The following WDR3 variants were observed in gnomAD, a reference collection of about 807,000 sequenced individuals.
The protein encoded by WDR3 is WD repeat domain 3.
In WDR3, 81 loss-of-function variants were observed where a neutral mutation model predicts 123.7. The ratio of observed to expected loss-of-function variants is 0.65; its 90% CI spans 0.55 to 0.79. The LOEUF is 0.79. Among genes scored for constraint, WDR3 ranks in the 30% least tolerant of loss-of-function variants. The probability of loss-of-function intolerance (pLI) is 0.00; values close to 1 mark genes in which losing one functional copy is unlikely to be tolerated. For synonymous variants in WDR3, 390 were observed against 388.8 expected (o/e 1.00, Z -0.04); for missense variants, 1,027 against 1,123.2 (o/e 0.91, Z 1.22).
chr1:117,933,694 A>C, intron 2 of WDR3: 1 of 649,796 alleles, frequency 1.5e-6, no homozygotes, highest in Non-Finnish European at 2.8e-6. Context: ...AACCACAATG[A>C]AATAGGAGCT....
At position 117,960,114 on chromosome 1, in the gene WDR3, G is replaced by GTA. The variant is rs1387108787; in HGVS notation, c.*668_*669insAT. On this transcript the variant is annotated 3_prime_UTR_variant, in exon 27 of 27. Transcript: ENST00000349139. ...TTCTGAGGAATTAATACACTCGTGT[G>GTA]TGTGTGTGTGTGTGTGTGTGTGTGT... is the stretch of plus-strand genomic sequence containing the variant. 1.5e-5 allele frequency: 1 copy of GTA among 66,918 alleles called. No homozygotes were observed. The highest frequency in any genetic ancestry group is 4.6e-5 in the Non-Finnish European group (1 of 21,952). The allele number at this position is 66,918 out of a possible 1,614,324, so 4.1% of individuals were successfully genotyped here. A position where few individuals can be genotyped will look rare whatever the true frequency, so the allele number is the denominator to read the frequency against.
rs564333309 is a variant in WDR3 at position 117,941,404 on chromosome 1, T to C, written c.891+179T>C. ...GCATAACAACAAAAATATTAATAAT[T>C]ACTATTAGGTTGGTGGAAAAGTAAT... On this transcript the variant is annotated intron_variant, in intron 8 of 26. Transcript: ENST00000349139. Among the ~76,000 whole-genome samples the C allele has an allele frequency of 4.6e-5, 7 of 152,332 alleles. 1 individual carries two copies. The South Asian group carries it at 1.4e-3, about 32-fold the overall frequency.
rs761706466 is a variant in WDR3 at position 117,950,134 on chromosome 1, CA to C, written c.1746+5del. 1 of 1,613,492 alleles carries C rather than the reference CA, an allele frequency of 6.2e-7. No homozygotes were observed. The highest frequency in any genetic ancestry group is 8.5e-7 in the Non-Finnish European group (1 of 1,179,726). Reference sequence around the variant, plus strand: ...TTTCTACGTTGATACTTTAAAGGTACAGTGGTTATGCCTGCGGATATTTTCC... The same window carrying C: ...TTTCTACGTTGATACTTTAAAGGTACGTGGTTATGCCTGCGGATATTTTCC... On this transcript the variant is annotated splice_donor_5th_base_variant and intron_variant, in intron 15 of 26. Transcript: ENST00000349139.
chr1:117,941,135 A>G lies in WDR3; in HGVS notation c.801A>G (p.Ser267=), dbSNP rs199608970. 6.2e-7 allele frequency: 1 copy of G among 1,614,198 alleles called. No homozygotes were observed. Among genetic ancestry groups the G allele is most frequent in the Non-Finnish European group, 8.5e-7 (1 of 1,180,026 alleles). Residue 267 remains serine, a synonymous_variant, in exon 8 of 27, where the codon TCA becomes TCG. Transcript: ENST00000349139. ...TGCTTCTTCTGTAGCGAATCCTTTCATGCAGAAAAGCTGGTTCCATAATGC... is the reference window on the plus strand; with the variant it reads ...TGCTTCTTCTGTAGCGAATCCTTTCGTGCAGAAAAGCTGGTTCCATAATGC... The part of the protein sequence containing the change: ...TDEAPEDRIL[S]CRKAGSIMRE...
Position 117,949,745 on chromosome 1 carries a change from T to A in WDR3, c.1525-6T>A. The A allele has an allele frequency of 6.2e-7, 1 of 1,611,804 alleles. No homozygotes were observed. Among genetic ancestry groups the A allele is most frequent in the Non-Finnish European group, 8.5e-7 (1 of 1,179,334 alleles). ...GTTTTTAATTGAAATTTCATTTGAT[T>A]TTCAGCGTGGCTTTGTGACAGGTGG... On this transcript the variant is annotated splice_region_variant and splice_polypyrimidine_tract_variant and intron_variant, in intron 13 of 26. Coordinates refer to ENST00000349139, the MANE Select transcript of WDR3 (RefSeq NM_006784.3).
At position 117,952,150 on chromosome 1, in the gene WDR3, A is replaced by C. The variant is rs1187507690; in HGVS notation, c.1904+74A>C. The C allele has an allele frequency of 2.0e-6, 3 of 1,536,994 alleles. No homozygotes were observed. In the African/African-American group the frequency reaches 4.1e-5, roughly 21 times the overall value. ...TCACTTTCCTTGAGCATCTGTGTCT[A>C]TTTTTCAGTGTTCTCAGGCAGTGAT... On this transcript the variant is annotated intron_variant, in intron 17 of 26. Coordinates refer to ENST00000349139, the MANE Select transcript of WDR3 (RefSeq NM_006784.3).
intron 16 of WDR3, among the ~76,000 whole-genome samples, chr1:117,951,508 CT>C (rs60053262): frequency 0.88 from 113,414 of 128,828 alleles, 49,841 homozygotes; most frequent in Non-Finnish European, 0.93. Flanking sequence ...AAATGTATTT[CT>C]TTTTTTTTTT....
intron 23 of WDR3, 145 bp from the exon 24 acceptor site, chr1:117,955,170 C>A: frequency 1.6e-6 from 1 of 629,096 alleles, no homozygotes; most frequent in South Asian, 2.5e-5. Flanking sequence ...CTGACTGACT[C>A]TAAACTCATG....
chr1:117,940,937 G>C lies in WDR3; in HGVS notation c.786G>C (p.Glu262Asp), dbSNP rs762614444. 1 of 1,607,434 alleles carries C rather than the reference G, an allele frequency of 6.2e-7. No homozygotes were observed. The part of the protein sequence containing the change: ...DGAFETDEAP[E>D]DRILSCRKAG... Reference sequence around the variant, plus strand: ...CCTTTGAGACGGATGAAGCCCCTGAGGATGTAATTCATTTTCATTTCTTAA... The same window carrying C: ...CCTTTGAGACGGATGAAGCCCCTGACGATGTAATTCATTTTCATTTCTTAA... Residue 262 changes from glutamate to aspartate, a missense_variant, in exon 7 of 27, where the codon GAG becomes GAC. Coordinates refer to ENST00000349139, the MANE Select transcript of WDR3 (RefSeq NM_006784.3).
At position 117,949,994 on chromosome 1, in the gene WDR3, G is replaced by A. The variant is rs1651548865; in HGVS notation, c.1611-1G>A. On this transcript the variant is annotated splice_acceptor_variant, in intron 14 of 26. Coordinates refer to ENST00000349139, the MANE Select transcript of WDR3 (RefSeq NM_006784.3). LOFTEE classifies it high-confidence loss of function. Reference sequence around the variant, plus strand: ...TTTCTTGATGTTTTTTGTGGTGCTAGACTTTCTGTGAAGCAAACCCGAACT... The same window carrying A: ...TTTCTTGATGTTTTTTGTGGTGCTAAACTTTCTGTGAAGCAAACCCGAACT... The A allele has an allele frequency of 6.2e-7, 1 of 1,613,676 alleles. No individual in the cohort carries two copies.
chr1:117,959,361 A>G lies in WDR3; in HGVS notation c.2746A>G (p.Met916Val), dbSNP rs891645466. Residue 916 changes from methionine to valine, a missense_variant, in exon 27 of 27, where the codon ATG becomes GTG. Met to Val is a conservative substitution (Grantham distance 21). Transcript: ENST00000349139. Reference sequence around the variant, plus strand: ...GGAATGCGAGGCAAAAAGTGAAGTTATGTTTTTTGCTGATGCTACTAGCCA... The same window carrying G: ...GGAATGCGAGGCAAAAAGTGAAGTTGTGTTTTTTGCTGATGCTACTAGCCA... Reference protein sequence around the residue: ...KRECEAKSEVMFFADATSHLE... With the variant: ...KRECEAKSEVVFFADATSHLE... 1 of 1,613,992 alleles carries G rather than the reference A, an allele frequency of 6.2e-7. No homozygotes were observed. The highest frequency in any genetic ancestry group is 8.5e-7 in the Non-Finnish European group (1 of 1,179,938).
intron 21 of WDR3, 151 bp from the exon 22 acceptor site, chr1:117,953,856 T>G: frequency 1.5e-6 from 1 of 674,522 alleles, no homozygotes; most frequent in Non-Finnish European, 2.5e-6. Flanking sequence ...AAAAATGTCT[T>G]TAAATGCTTT....
At chr1:117,954,391 C>T (rs1651852441) in intron 22 of WDR3, among the ~76,000 whole-genome samples, 189 bp from the exon 23 acceptor site, 1 of 152,096 alleles carries the variant, frequency 6.6e-6, no homozygotes, top group South Asian at 2.1e-4. Context: ...AGATAAAATA[C>T]ATTGTCCAAG....
Position 117,963,532 on chromosome 1 carries a change from T to G in WDR3, c.*4085T>G, listed in dbSNP as rs1489828362. 2 of 191,614 alleles carry G rather than the reference T, an allele frequency of 1.0e-5. No individual in the cohort carries two copies. Among genetic ancestry groups the G allele is most frequent in the African/African-American group, 4.6e-5 (2 of 43,146 alleles). 11.9% of individuals were successfully genotyped at this position (191,614 alleles called of 1,614,324 possible). ...GCACCCGCCACCACACTTGGCTGAT[T>G]TTTTCTATTGTTTAGTAGAGACGGG... is the stretch of plus-strand genomic sequence containing the variant. On this transcript the variant is annotated 3_prime_UTR_variant, in exon 27 of 27. Coordinates refer to ENST00000349139, the MANE Select transcript of WDR3 (RefSeq NM_006784.3).
chr1:117,950,538 T>C (rs917197831), intron 15 of WDR3, among the ~76,000 whole-genome samples: 1 of 152,122 alleles, frequency 6.6e-6, no homozygotes, highest in Non-Finnish European at 1.5e-5. Context: ...GGAAATTTTT[T>C]TGTGAAACAA....
chr1:117,948,587 C>CTT, intron 13 of WDR3, 81 bp downstream of exon 13: 1 of 967,186 alleles, frequency 1.0e-6, no homozygotes, highest in Non-Finnish European at 1.4e-6. Flanking sequence ...TAAAGAAAGC[C>CTT]TGAGGTTTTT....
In WDR3 at chr1:117,961,052, G is replaced by A. The variant is rs753220566; in HGVS notation, c.*1605G>A. ...TAATCCCACCACTGTGGGAGGCCGA[G>A]GCAGGCGGATCACAAGGTCAGGAGT... On this transcript the variant is annotated 3_prime_UTR_variant, in exon 27 of 27. Coordinates refer to ENST00000349139, the MANE Select transcript of WDR3 (RefSeq NM_006784.3). The A allele has an allele frequency of 1.2e-4, 18 of 152,222 alleles. No individual in the cohort carries two copies. Among genetic ancestry groups the A allele is most frequent in the Non-Finnish European group, 2.1e-4 (14 of 68,060 alleles). The allele number at this position is 152,222 out of a possible 1,614,324, so 9.4% of individuals were successfully genotyped here. A position where few individuals can be genotyped will look rare whatever the true frequency, so the allele number is the denominator to read the frequency against.
At chr1:117,935,769 ATAAAT>A (rs1449892698) in intron 3 of WDR3, among the ~76,000 whole-genome samples, 2 of 152,050 alleles carry the variant, frequency 1.3e-5, no homozygotes, top group African/African-American at 2.4e-5. Flanking sequence ...TAGCAAAGAA[ATAAAT>A]TAAAAAAGGA....
Position 117,942,368 on chromosome 1 carries a change from G to A in WDR3, c.990-69G>A, listed in dbSNP as rs541385371. Reference sequence around the variant, plus strand: ...TTTGTTGGTCAAGGGGCCAGATTTTGAACTCAAGTAAGAGCAAAGCTGCTT... The same window carrying A: ...TTTGTTGGTCAAGGGGCCAGATTTTAAACTCAAGTAAGAGCAAAGCTGCTT... On this transcript the variant is annotated intron_variant, in intron 9 of 26. Coordinates refer to ENST00000349139, the MANE Select transcript of WDR3 (RefSeq NM_006784.3). The A allele has an allele frequency of 1.6e-5, 22 of 1,367,314 alleles. 1 individual carries two copies. In the South Asian group the frequency reaches 2.7e-4, roughly 17 times the overall value. The allele number at this position is 1,367,314 out of a possible 1,614,324, so 84.7% of individuals were successfully genotyped here. A position where few individuals can be genotyped will look rare whatever the true frequency, so the allele number is the denominator to read the frequency against.
Sources: gnomAD v4.1 joint callset for allele counts (sites outside exome capture counted in the v4.1 genomes callset) on GRCh38, gnomAD v4.1.1 for gene constraint, MANE v1.5 for transcripts, NCBI Gene and HGNC (gene_info 2026-07-23, HGNC 2026-07-21) for gene names.